Variants in SRRM2 observed in about 807,000 individuals in gnomAD.
SRRM2 encodes serine/arginine repetitive matrix protein 2.
SRRM2 carries 30 observed loss-of-function variants against 213.8 expected under a neutral mutation model. The observed-to-expected ratio is 0.14, with a 90% confidence interval of 0.10 to 0.19. The LOEUF (loss-of-function observed/expected upper bound fraction) is 0.19. Ranked by LOEUF, SRRM2 falls within the 10% of genes least tolerant of loss-of-function variation. SRRM2 has a pLI of 1.00. For missense variants in SRRM2, 4,904 were observed against 3,647.0 expected (o/e 1.34, Z -8.88); for synonymous variants, 2,025 against 1,377.7 (o/e 1.47, Z -10.40).
In SRRM2 at chr16:2,757,764, G is replaced by A. The variant is rs1284196494; in HGVS notation, c.351-17G>A. ...TCCTTTATATTTCCTTCAGACTTTT[G>A]CCCTTCTTTTCTCTAGGGTCACGGA... On this transcript the variant is annotated splice_polypyrimidine_tract_variant and intron_variant, in intron 3 of 14. Transcript: ENST00000301740. 6.2e-7 allele frequency: 1 copy of A among 1,611,354 alleles called. No homozygotes were observed. The highest frequency in any genetic ancestry group is 1.3e-5 in the African/African-American group (1 of 74,682).
Position 2,754,026 on chromosome 16 carries a change from C to T in SRRM2, c.-32+1180C>T, listed in dbSNP as rs141662827. Among the ~76,000 whole-genome samples, 737 of 152,212 alleles carry T rather than the reference C, an allele frequency of 4.8e-3. 6 individuals carry two copies. Among genetic ancestry groups the T allele is most frequent in the African/African-American group, 0.017 (696 of 41,518 alleles). ...TCCCAACAGAAAAGGGTGTTTTTGTCTTCCTTTGTACTTTTTACTTTCTGC... is the reference window on the plus strand; with the variant it reads ...TCCCAACAGAAAAGGGTGTTTTTGTTTTCCTTTGTACTTTTTACTTTCTGC... On this transcript the variant is annotated intron_variant, in intron 1 of 14. Transcript: ENST00000301740.
Position 2,762,211 on chromosome 16 carries a change from G to T in SRRM2, c.1683G>T (p.Arg561Ser), listed in dbSNP as rs373076396. 5.0e-6 allele frequency: 8 copies of T among 1,613,888 alleles called. No individual in the cohort carries two copies. The highest frequency in any genetic ancestry group is 6.8e-6 in the Non-Finnish European group (8 of 1,179,994). ...GGTCTAGGTCAGCAAGGCGAGGGAGGTCCCACTCTAGATCCCCAGCCACTA... is the reference window on the plus strand; with the variant it reads ...GGTCTAGGTCAGCAAGGCGAGGGAGTTCCCACTCTAGATCCCCAGCCACTA... ...RGRSRSARRG[R>S]SHSRSPATRG... Residue 561 changes from arginine to serine, a missense_variant, in exon 11 of 15, where the codon AGG (arginine) becomes AGT (serine). Arg to Ser is a moderately radical substitution (Grantham distance 110). Transcript: ENST00000301740.
rs117133016 is a variant in SRRM2 at position 2,766,626 on chromosome 16, G to T, written c.6098G>T (p.Arg2033Leu). The change falls in exon 11 of 15, where the codon CGA (arginine) becomes CTA (leucine). Residue 2033 changes from arginine (R) to leucine (L), a missense_variant. Coordinates refer to ENST00000301740, the MANE Select transcript of SRRM2 (RefSeq NM_016333.4). The surrounding 1 kb of genome is among the most constrained non-coding windows in gnomAD (Gnocchi z 7.0). ...PPAIRRRSRS[R>L]TPLLPRKRSR... ...GCTATTCGGCGCCGCTCTAGATCTC[G>T]AACGCCACTGTTACCACGCAAACGT... The T allele has an allele frequency of 6.2e-7, 1 of 1,613,570 alleles. No individual in the cohort carries two copies. Among genetic ancestry groups the T allele is most frequent in the South Asian group, 1.1e-5 (1 of 91,034 alleles).
intron 9 of SRRM2, chr16:2,760,090 G>C (rs1276023162): frequency 1.6e-6 from 1 of 609,516 alleles, no homozygotes; most frequent in African/African-American, 1.8e-5. Flanking sequence ...AAGGGGTAGA[G>C]GGAGAACGCT....
chr16:2,758,034 C>G (rs1438636247), intron 4 of SRRM2, 89 bp downstream of exon 4: 40 of 1,465,700 alleles, frequency 2.7e-5, no homozygotes, highest in Non-Finnish European at 3.2e-5. Context: ...CTGGTTTCTT[C>G]CCAAACTCTT....
chr16:2,762,443 T>C lies in SRRM2; in HGVS notation c.1915T>C (p.Ser639Pro), dbSNP rs778170602. ...AGTACGACGCAGGTCTCGTAGTAGA[T>C]CACCAGCCAGGAGAAGTGGCAGGTC... The part of the protein sequence containing the change: ...SPVRRRSRSR[S>P]PARRSGRSRS... Residue 639 changes from serine (S) to proline (P), a missense_variant, in exon 11 of 15, where the codon TCA (serine) becomes CCA (proline). Physicochemically the swap from Ser to Pro is moderately conservative, Grantham distance 74. Transcript: ENST00000301740. 4.3e-6 allele frequency: 7 copies of C among 1,613,154 alleles called. No homozygotes were observed. Among genetic ancestry groups the C allele is most frequent in the Non-Finnish European group, 5.9e-6 (7 of 1,179,850 alleles).
Position 2,770,404 on chromosome 16 carries a change from A to G in SRRM2, c.8074A>G (p.Ser2692Gly), listed in dbSNP as rs1198087444. Reference protein sequence around the residue: ...IDSLRDSRSLSYSPVERRRPS... With the variant: ...IDSLRDSRSLGYSPVERRRPS... ...CTCCCTCAGGGACTCTCGGTCCCTC[A>G]GCTACTCGCCTGTGGAGCGTCGCCG... Residue 2692 changes from serine (S) to glycine (G), a missense_variant, in exon 13 of 15, where the codon AGC becomes GGC. Ser to Gly is a moderately conservative substitution (Grantham distance 56). Coordinates refer to ENST00000301740, the MANE Select transcript of SRRM2 (RefSeq NM_016333.4). 2 of 1,610,574 alleles carry G rather than the reference A, an allele frequency of 1.2e-6. No homozygotes were observed. Among genetic ancestry groups the G allele is most frequent in the South Asian group, 2.2e-5 (2 of 90,218 alleles).
rs145868499 is a variant in SRRM2 at position 2,760,490 on chromosome 16, C to T, written c.1023C>T (p.Asp341=). 1.4e-4 allele frequency: 233 copies of T among 1,613,956 alleles called. 1 individual carries two copies. Among genetic ancestry groups the T allele is most frequent in the Non-Finnish European group, 5.6e-5 (66 of 1,180,020 alleles). Reference sequence around the variant, plus strand: ...GCCCTTATGAAGACAAAGATAAAGACAAGAAGGAGGTATGTTCCTGAGTTG... The same window carrying T: ...GCCCTTATGAAGACAAAGATAAAGATAAGAAGGAGGTATGTTCCTGAGTTG... ...PSSPYEDKDK[D]KKEKSATRPS... Residue 341 remains aspartate (D), a synonymous_variant, in exon 10 of 15, where the codon GAC becomes GAT. Transcript: ENST00000301740.
In SRRM2 at chr16:2,764,217, C is replaced by A. The variant is rs1299179693; in HGVS notation, c.3689C>A (p.Pro1230His). The change falls in exon 11 of 15, where the codon CCT (proline) becomes CAT (histidine). Residue 1230 changes from proline (P) to histidine (H), a missense_variant. Physicochemically the swap from Pro to His is moderately conservative, Grantham distance 77. Transcript: ENST00000301740. Reference sequence around the variant, plus strand: ...ACAAAAGAGCAAAATAGTGCATTGCCTACGTCAAGCCAAGATGAAGAGTTA... The same window carrying A: ...ACAAAAGAGCAAAATAGTGCATTGCATACGTCAAGCCAAGATGAAGAGTTA... ...PETKEQNSAL[P>H]TSSQDEELME... 6 of 1,614,182 alleles carry A rather than the reference C, an allele frequency of 3.7e-6. No individual in the cohort carries two copies. The highest frequency in any genetic ancestry group is 5.1e-6 in the Non-Finnish European group (6 of 1,180,042).
intron 12 of SRRM2, 115 bp from the exon 13 acceptor site, chr16:2,770,236 GA>G: frequency 6.9e-7 from 1 of 1,458,630 alleles, no homozygotes; most frequent in Non-Finnish European, 9.1e-7. Flanking sequence ...AGGTGGGTCT[GA>G]GGCTGGCCCT....
chr16:2,757,619 T>TCTGGCTG (rs781309295), intron 3 of SRRM2, 40 bp downstream of exon 3: 21 of 1,592,716 alleles, frequency 1.3e-5, no homozygotes, highest in Non-Finnish European at 1.8e-5. Flanking sequence ...TGGACTCTAC[T>TCTGGCTG]CTGGCTGCTG....
At chr16:2,754,419 G>C (rs2068068919) in intron 1 of SRRM2, among the ~76,000 whole-genome samples, 1 of 152,036 alleles carries the variant, frequency 6.6e-6, no homozygotes, top group Non-Finnish European at 1.5e-5. Context: ...TCAGCCTCTG[G>C]AGTTGCTGAG....
chr16:2,763,353 C>A lies in SRRM2; in HGVS notation c.2825C>A (p.Thr942Lys). 6.2e-7 allele frequency: 1 copy of A among 1,614,174 alleles called. No homozygotes were observed. The highest frequency in any genetic ancestry group is 8.5e-7 in the Non-Finnish European group (1 of 1,180,030). ...TCTTCTCCAAGTCCTAGTAGGGTGA[C>A]GTCGAGAACAACTCCACGGCGAAGC... Reference protein sequence around the residue: ...GSSSPSPSRVTSRTTPRRSRS... With the variant: ...GSSSPSPSRVKSRTTPRRSRS... The change falls in exon 11 of 15, where the codon ACG (threonine) becomes AAG (lysine). Residue 942 changes from threonine to lysine, a missense_variant. Coordinates refer to ENST00000301740, the MANE Select transcript of SRRM2 (RefSeq NM_016333.4).
Position 2,759,396 on chromosome 16 carries a change from G to A in SRRM2, c.734G>A (p.Arg245Gln), listed in dbSNP as rs1018257369. Residue 245 changes from arginine to glutamine, a missense_variant, in exon 8 of 15, where the codon CGA becomes CAA. By Grantham distance (43) the Arg-to-Gln change is conservative. Transcript: ENST00000301740. The stretch of plus-strand genomic sequence containing the variant: ...AAACGTAAATCTAAGGACAAAAAGC[G>A]AAAGCGGTGAGTGAATTTGTGGGGA... ...KSKRKSKDKK[R>Q]KRSRSTTPAP... The A allele has an allele frequency of 1.4e-5, 23 of 1,593,410 alleles. No homozygotes were observed. Among genetic ancestry groups the A allele is most frequent in the Non-Finnish European group, 1.7e-5 (20 of 1,173,340 alleles).
In SRRM2 at chr16:2,762,621, G is replaced by T; in HGVS notation, c.2093G>T (p.Arg698Ile). 6.2e-7 allele frequency: 1 copy of T among 1,614,164 alleles called. No homozygotes were observed. Among genetic ancestry groups the T allele is most frequent in the Non-Finnish European group, 8.5e-7 (1 of 1,180,024 alleles). The stretch of plus-strand genomic sequence containing the variant: ...GGGAGGTCTCGGTCTAGGACACCAA[G>T]ACGAGGAAGATCCCGCAGTAGAAGC... Reference protein sequence around the residue: ...RRGRSRSRTPRRGRSRSRSLV... With the variant: ...RRGRSRSRTPIRGRSRSRSLV... The change falls in exon 11 of 15, where the codon AGA becomes ATA. Residue 698 changes from arginine to isoleucine, a missense_variant. Physicochemically the swap from Arg to Ile is moderately conservative, Grantham distance 97 (BLOSUM62 -3). Coordinates refer to ENST00000301740, the MANE Select transcript of SRRM2 (RefSeq NM_016333.4).
rs764370866 is a variant in SRRM2 at position 2,760,357 on chromosome 16, C to T, written c.890C>T (p.Ser297Phe). The T allele has an allele frequency of 2.5e-6, 4 of 1,614,066 alleles. No individual in the cohort carries two copies. The highest frequency in any genetic ancestry group is 3.4e-6 in the Non-Finnish European group (4 of 1,180,026). The change falls in exon 10 of 15, where the codon TCC becomes TTC. Residue 297 changes from serine (S) to phenylalanine (F), a missense_variant. By Grantham distance (155) the Ser-to-Phe change is radical. Transcript: ENST00000301740. The part of the protein sequence containing the change: ...HTTALAGRSP[S>F]PASGRRGEGD... ...ACTGCCTTGGCTGGGCGAAGTCCTT[C>T]CCCTGCTTCAGGGCGACGCGGGGAG...
At chr16:2,754,545 C>T (rs1298756214) in intron 1 of SRRM2, among the ~76,000 whole-genome samples, 2 of 152,192 alleles carry the variant, frequency 1.3e-5, no homozygotes, top group Admixed American at 6.5e-5. Flanking sequence ...CCACCTCGGC[C>T]TCCCAAAGTG....
Position 2,769,062 on chromosome 16 carries a change from C to T in SRRM2, c.7799C>T (p.Pro2600Leu), listed in dbSNP as rs1248947667. 1.2e-6 allele frequency: 2 copies of T among 1,614,136 alleles called. No homozygotes were observed. Among genetic ancestry groups the T allele is most frequent in the African/African-American group, 1.3e-5 (1 of 75,042 alleles). The change falls in exon 12 of 15, where the codon CCA becomes CTA. Residue 2600 changes from proline to leucine, a missense_variant. By Grantham distance (98) the Pro-to-Leu change is moderately conservative. Coordinates refer to ENST00000301740, the MANE Select transcript of SRRM2 (RefSeq NM_016333.4). ...GAGGGACGTCCTCCGGAGCCAACCC[C>T]AGCCAAACGGAAGAGGCGCTCTAGC... ...VREGRPPEPT[P>L]AKRKRRSSSS...
rs1219765931 is a variant in SRRM2 at position 2,763,669 on chromosome 16, G to C, written c.3141G>C (p.Glu1047Asp). The C allele has an allele frequency of 1.9e-6, 3 of 1,614,056 alleles. No individual in the cohort carries two copies. Among genetic ancestry groups the C allele is most frequent in the African/African-American group, 2.7e-5 (2 of 74,900 alleles). Residue 1047 changes from glutamate (E) to aspartate (D), a missense_variant, in exon 11 of 15, where the codon GAG (glutamate) becomes GAC (aspartate). By Grantham distance (45) the Glu-to-Asp change is conservative. Coordinates refer to ENST00000301740, the MANE Select transcript of SRRM2 (RefSeq NM_016333.4). ...TAAAATCTAGCACACCACCAGGCGA[G>C]AGCTATTTTGGTGTCTCATCTCTGC... ...AGVKSSTPPG[E>D]SYFGVSSLQL...
Sources: gnomAD v4.1 joint callset for allele counts (sites outside exome capture counted in the v4.1 genomes callset) on GRCh38, gnomAD v4.1.1 for gene constraint, Gnocchi (gnomAD v3.1) non-coding constraint, MANE v1.5 for transcripts, NCBI Gene and HGNC (gene_info 2026-07-23, HGNC 2026-07-21) for gene names.